The following NRG3 variants were observed in gnomAD, a reference collection of about 807,000 sequenced individuals.
NRG3 encodes pro-neuregulin-3, membrane-bound isoform.
NRG3 carries 31 observed loss-of-function variants against 66.9 expected under a neutral mutation model. The ratio of observed to expected loss-of-function variants is 0.46; its 90% CI spans 0.35 to 0.63. The LOEUF is 0.63. Ranked by LOEUF, NRG3 falls within the 20% of genes least tolerant of loss-of-function variation. The pLI, the probability that NRG3 is intolerant of heterozygous loss-of-function variation, is 0.00. For synonymous variants in NRG3, 393 were observed against 359.4 expected, an observed-to-expected ratio of 1.09 and a Z score of -1.06; for missense variants, 910 against 878.9, an observed-to-expected ratio of 1.04 and a Z score of -0.45.
chr10:81,910,128 G>A (rs190264108), intron 1 of NRG3, among the ~76,000 whole-genome samples: 3 of 152,242 alleles, frequency 2.0e-5, no homozygotes, highest in Admixed American at 2.0e-4. Context: ...GCATTTTAAG[G>A]TCAAAATTTA....
intron 4 of NRG3, among the ~76,000 whole-genome samples, chr10:82,950,425 G>A (rs1352182418): frequency 1.3e-5 from 2 of 152,130 alleles, no homozygotes; most frequent in Non-Finnish European, 2.9e-5. Context: ...GACATTGTTA[G>A]TGACCATTAG....
At position 82,949,621 on chromosome 10, in the gene NRG3, G is replaced by A. The variant is rs368697945; in HGVS notation, c.1055-1848G>A. Among the ~76,000 whole-genome samples the A allele has an allele frequency of 1.4e-4, 21 of 152,230 alleles. No individual in the cohort carries two copies. The East Asian group carries it at 3.7e-3, about 27-fold the overall frequency. On this transcript the variant is annotated intron_variant, in intron 4 of 8. Transcript: ENST00000372141. ...TGTAATCCCAGCACTTTGGGAGGCC[G>A]AGGCAGGCAGATCAGCTGAGGTCAG...
intron 1 of NRG3, among the ~76,000 whole-genome samples, chr10:82,219,166 TCTAAAAA>T (rs2075823764): frequency 4.0e-5 from 6 of 151,186 alleles, no homozygotes; most frequent in Admixed American, 3.3e-4. Flanking sequence ...TATATGTCAA[TCTAAAAA>T]GGGTTTCTCA....
intron 1 of NRG3, among the ~76,000 whole-genome samples, chr10:82,189,437 G>A (rs576992527): frequency 3.3e-5 from 5 of 150,768 alleles, no homozygotes; most frequent in African/African-American, 9.7e-5. Flanking sequence ...CAGGCAGATC[G>A]CTTGAGCCCA....
At chr10:82,375,549 A>G (rs987084571) in intron 2 of NRG3, among the ~76,000 whole-genome samples, 1 of 151,910 alleles carries the variant, frequency 6.6e-6, no homozygotes, top group Non-Finnish European at 1.5e-5. Flanking sequence ...AAAAAAAAAA[A>G]AATTACTGAT....
At chr10:82,664,849 A>G (rs1410237971) in intron 2 of NRG3, among the ~76,000 whole-genome samples, 1 of 152,102 alleles carries the variant, frequency 6.6e-6, no homozygotes, top group Non-Finnish European at 1.5e-5. Flanking sequence ...GAAATCAGTG[A>G]CAAAGGAATC....
intron 2 of NRG3, among the ~76,000 whole-genome samples, chr10:82,696,216 CA>C (rs773196762): frequency 1.3e-5 from 2 of 152,210 alleles, no homozygotes; most frequent in East Asian, 3.9e-4. Flanking sequence ...AAAACCAGGC[CA>C]TGGTTTACTT....
intron 1 of NRG3, among the ~76,000 whole-genome samples, chr10:82,114,267 A>G (rs2067563043): frequency 6.6e-6 from 1 of 152,152 alleles, no homozygotes; most frequent in South Asian, 2.1e-4. Context: ...ATTATGAATA[A>G]TGCTACTGTA....
intron 2 of NRG3, among the ~76,000 whole-genome samples, chr10:82,377,227 G>A (rs992088947): frequency 2.0e-5 from 3 of 152,132 alleles, no homozygotes; most frequent in Non-Finnish European, 4.4e-5. Context: ...CTCATTTTAT[G>A]CATGTGTCAT....
chr10:82,663,333 G>A (rs943031990), intron 2 of NRG3, among the ~76,000 whole-genome samples: 1 of 152,168 alleles, frequency 6.6e-6, no homozygotes, highest in Non-Finnish European at 1.5e-5. Flanking sequence ...GGATTTAATT[G>A]CATAAGTCAA....
intron 2 of NRG3, among the ~76,000 whole-genome samples, chr10:82,405,006 C>T (rs950676867): frequency 6.6e-6 from 1 of 152,032 alleles, no homozygotes; most frequent in South Asian, 2.1e-4. Context: ...GAGTTAGGAG[C>T]TGGGTCTAGA....
chr10:82,592,942 TA>T (rs977418065), intron 2 of NRG3, among the ~76,000 whole-genome samples: 14 of 152,190 alleles, frequency 9.2e-5, no homozygotes, highest in Non-Finnish European at 8.8e-5. Context: ...GACACTTGCT[TA>T]ATATCTTCTA....
At chr10:81,911,927 A>AT in intron 1 of NRG3, among the ~76,000 whole-genome samples, 1 of 152,164 alleles carries the variant, frequency 6.6e-6, no homozygotes, top group Admixed American at 6.5e-5. Context: ...TTATTTTAGA[A>AT]TTGCCATTAT....
At chr10:82,534,596 A>G (rs1035800705) in intron 2 of NRG3, among the ~76,000 whole-genome samples, 7 of 152,108 alleles carry the variant, frequency 4.6e-5, no homozygotes, top group Non-Finnish European at 7.4e-5. Context: ...ATGGAATCAC[A>G]CAAAATAATC....
chr10:82,050,144 A>G (rs1324201104), intron 1 of NRG3, among the ~76,000 whole-genome samples: 1 of 146,878 alleles, frequency 6.8e-6, no homozygotes, highest in Admixed American at 6.9e-5. Flanking sequence ...CTTTGTGTTC[A>G]AGGAGTGGAA....
chr10:82,492,342 T>C (rs1843225612), intron 2 of NRG3, among the ~76,000 whole-genome samples: 1 of 152,338 alleles, frequency 6.6e-6, no homozygotes, highest in Non-Finnish European at 1.5e-5. Context: ...CAAAGTGAAC[T>C]AAGTTAACTA....
intron 1 of NRG3, among the ~76,000 whole-genome samples, chr10:81,942,094 G>A (rs1482293288): frequency 6.6e-6 from 1 of 151,950 alleles, no homozygotes; most frequent in Non-Finnish European, 1.5e-5. Context: ...TATATGCTTG[G>A]TAAAGGAAGA....
chr10:82,018,048 T>C (rs1417094564), intron 1 of NRG3, among the ~76,000 whole-genome samples: 1 of 152,190 alleles, frequency 6.6e-6, no homozygotes, highest in African/African-American at 2.4e-5. Flanking sequence ...GGCTTTCTTC[T>C]AGGGTTTTTA....
rs367640889 is a variant in NRG3, at chr10:82,529,889, CA to C, written c.953+171030del. Among the ~76,000 whole-genome samples, 307 of 150,840 alleles carry C rather than the reference CA, an allele frequency of 2.0e-3. 1 individual carries two copies. In the Middle Eastern group the frequency reaches 0.02, roughly 10 times the overall value. On this transcript the variant is annotated intron_variant, in intron 2 of 8. Transcript: ENST00000372141. Reference sequence around the variant, plus strand: ...TATTGCAAGTATTGTTATCCATATACAAAAAAAAAGTCAAACTGAAGTAGTT... The same window carrying C: ...TATTGCAAGTATTGTTATCCATATACAAAAAAAAGTCAAACTGAAGTAGTT...
Sources: gnomAD v4.1 joint callset for allele counts (sites outside exome capture counted in the v4.1 genomes callset) on GRCh38, gnomAD v4.1.1 for gene constraint, MANE v1.5 for transcripts, NCBI Gene and HGNC (gene_info 2026-07-23, HGNC 2026-07-21) for gene names.